RABGAP1L: variants seen among roughly 807,000 people sequenced by gnomAD.
The protein encoded by RABGAP1L is rab GTPase-activating protein 1-like.
RABGAP1L carries 63 observed loss-of-function variants against 137.7 expected under a neutral mutation model. The observed-to-expected ratio is 0.46, with a 90% CI of 0.37 to 0.56. RABGAP1L has a LOEUF of 0.56. RABGAP1L is among the 20% of genes least tolerant of loss of function. The pLI, the probability that RABGAP1L is intolerant of heterozygous loss-of-function variation, is 0.00. For missense variants in RABGAP1L, 1,095 were observed against 1,244.0 expected (o/e 0.88, Z 1.80); for synonymous variants, 431 against 433.7 (o/e 0.99, Z 0.08).
At chr1:174,420,792 A>G (rs1651183122) in intron 13 of RABGAP1L, among the ~76,000 whole-genome samples, 1 of 150,746 alleles carries the variant, frequency 6.6e-6, no homozygotes, top group South Asian at 2.1e-4. Context: ...CTCCTGTCTC[A>G]GCCTCCCGAG....
At chr1:174,346,620 G>A (rs1469756271) in intron 11 of RABGAP1L, among the ~76,000 whole-genome samples, 1 of 150,202 alleles carries the variant, frequency 6.7e-6, no homozygotes, top group African/African-American at 2.4e-5. Context: ...ATTTATTTGG[G>A]GCTTCTCTTT....
intron 13 of RABGAP1L, among the ~76,000 whole-genome samples, chr1:174,398,553 C>T (rs944919926): frequency 4.6e-5 from 7 of 152,082 alleles, no homozygotes; most frequent in African/African-American, 1.7e-4. Context: ...GGTTACTGTC[C>T]ATGGGCTGGA....
At chr1:174,382,759 T>G (rs866652883) in intron 12 of RABGAP1L, among the ~76,000 whole-genome samples, 4,973 of 147,992 alleles carry the variant, frequency 0.034, 88 homozygotes, top group Middle Eastern at 0.09. Context: ...CTCAGAGTAA[T>G]TTGATCGTCT....
At chr1:174,385,641 A>T (rs1344501545) in intron 12 of RABGAP1L, among the ~76,000 whole-genome samples, 1 of 152,218 alleles carries the variant, frequency 6.6e-6, no homozygotes, top group Non-Finnish European at 1.5e-5. Flanking sequence ...TATGAGGAGG[A>T]TCAGGCAAAG....
chr1:174,438,240 T>C (rs1021885821), intron 13 of RABGAP1L, among the ~76,000 whole-genome samples: 4 of 152,172 alleles, frequency 2.6e-5, no homozygotes, highest in Non-Finnish European at 4.4e-5. Flanking sequence ...ACTTTGTTTT[T>C]TGTTTTTTCT....
At chr1:174,463,188 T>A (rs1231946548) in intron 13 of RABGAP1L, among the ~76,000 whole-genome samples, 2 of 152,128 alleles carry the variant, frequency 1.3e-5, no homozygotes, top group Non-Finnish European at 2.9e-5. Flanking sequence ...CTATAAATCA[T>A]GCTGCTATAA....
chr1:174,845,018 T>G (rs934292928), intron 19 of RABGAP1L, among the ~76,000 whole-genome samples: 27 of 147,194 alleles, frequency 1.8e-4, no homozygotes, highest in South Asian at 8.9e-4. Flanking sequence ...ATGATTTGGC[T>G]CTCTGTTTGT....
In RABGAP1L at chr1:174,991,651, T is replaced by TTCATTGTTGTTCTGACATCTTTCATTA. The variant is rs1672061622; in HGVS notation, c.*1651_*1677dup. ...GATAATACTTTTCTTACATAAATCTTTCATTGTTGTTCTGACATCTTTCAT... is the reference window on the plus strand; with the variant it reads ...GATAATACTTTTCTTACATAAATCTTTCATTGTTGTTCTGACATCTTTCATTATCATTGTTGTTCTGACATCTTTCAT... On this transcript the variant is annotated 3_prime_UTR_variant, in exon 26 of 26. Transcript: ENST00000681986. 3 of 152,266 alleles carry TTCATTGTTGTTCTGACATCTTTCATTA rather than the reference T, an allele frequency of 2.0e-5. No homozygotes were observed. Among genetic ancestry groups the TTCATTGTTGTTCTGACATCTTTCATTA allele is most frequent in the Admixed American group, 2.0e-4 (3 of 15,292 alleles). 9.4% of individuals were successfully genotyped at this position (152,266 alleles called of 1,614,324 possible).
At chr1:174,898,275 A>G (rs971763135) in intron 19 of RABGAP1L, among the ~76,000 whole-genome samples, 2 of 152,202 alleles carry the variant, frequency 1.3e-5, no homozygotes, top group African/African-American at 4.8e-5. Context: ...AGATTAAGTT[A>G]CTTGTTCAAG....
intron 13 of RABGAP1L, among the ~76,000 whole-genome samples, chr1:174,399,604 C>T (rs901733130): frequency 3.1e-5 from 4 of 131,016 alleles, no homozygotes; most frequent in African/African-American, 8.1e-5. Context: ...TGTTCTCACA[C>T]TGCTATAAGG....
At chr1:174,405,938 A>G (rs1649215518) in intron 13 of RABGAP1L, among the ~76,000 whole-genome samples, 1 of 152,124 alleles carries the variant, frequency 6.6e-6, no homozygotes, top group South Asian at 2.1e-4. Context: ...AGATCACGCC[A>G]CTGCACTCCA....
At chr1:174,306,520 G>T (rs1678265407) in intron 11 of RABGAP1L, among the ~76,000 whole-genome samples, 1 of 152,218 alleles carries the variant, frequency 6.6e-6, no homozygotes, top group Non-Finnish European at 1.5e-5. Context: ...GGCCAGTGAT[G>T]ATGAGCATTT....
intron 19 of RABGAP1L, among the ~76,000 whole-genome samples, chr1:174,859,864 A>G (rs900954092): frequency 6.6e-6 from 1 of 152,068 alleles, no homozygotes; most frequent in African/African-American, 2.4e-5. Context: ...AAAAAATTAG[A>G]AATAACAATT....
intron 19 of RABGAP1L, among the ~76,000 whole-genome samples, chr1:174,823,421 TTTA>T (rs1355113687): frequency 6.6e-6 from 1 of 152,242 alleles, no homozygotes; most frequent in Non-Finnish European, 1.5e-5. Flanking sequence ...ATTTTATTTA[TTTA>T]TTATCACTTG....
At chr1:174,569,258 A>G (rs959517712) in intron 13 of RABGAP1L, among the ~76,000 whole-genome samples, 5 of 152,164 alleles carry the variant, frequency 3.3e-5, no homozygotes, top group Non-Finnish European at 5.9e-5. Flanking sequence ...GCCCTCAAAA[A>G]AAGAGTTGTG....
chr1:174,471,046 A>AAAT (rs941203532), intron 13 of RABGAP1L, among the ~76,000 whole-genome samples: 6 of 151,044 alleles, frequency 4.0e-5, no homozygotes, highest in Non-Finnish European at 8.8e-5. Context: ...GGAAAAAAAA[A>AAAT]CACACTTTGA....
intron 13 of RABGAP1L, among the ~76,000 whole-genome samples, chr1:174,442,985 C>T (rs1305758869): frequency 1.3e-5 from 2 of 152,070 alleles, no homozygotes; most frequent in South Asian, 4.1e-4. Context: ...CTTTCTGTGC[C>T]TGGTTTATTT....
At chr1:174,482,198 A>AT (rs1466051831) in intron 13 of RABGAP1L, among the ~76,000 whole-genome samples, 8 of 152,296 alleles carry the variant, frequency 5.3e-5, no homozygotes, top group Non-Finnish European at 8.8e-5. Flanking sequence ...AAGAAAATAG[A>AT]TTTCCCCCCA....
At chr1:174,262,291 G>A (rs1442783539) in intron 7 of RABGAP1L, among the ~76,000 whole-genome samples, 3 of 152,056 alleles carry the variant, frequency 2.0e-5, no homozygotes, top group African/African-American at 7.2e-5. Flanking sequence ...GGGGAGAGGC[G>A]GCATCATGGT....
Sources: gnomAD v4.1 joint callset for allele counts (sites outside exome capture counted in the v4.1 genomes callset) on GRCh38, gnomAD v4.1.1 for gene constraint, MANE v1.5 for transcripts, NCBI Gene and HGNC (gene_info 2026-07-23, HGNC 2026-07-21) for gene names.